Variants in HJURP observed in about 807,000 individuals in gnomAD.
The protein encoded by HJURP is Holliday junction recognition protein, also known as 14-3-3-associated AKT substrate.
Under a neutral mutation model 72.0 loss-of-function variants are expected in HJURP, and 49 were observed. That is an observed-to-expected ratio of 0.68 (90% CI 0.54 to 0.86). The LOEUF (loss-of-function observed/expected upper bound fraction) is 0.86. Among genes scored for constraint, HJURP ranks in the 40% least tolerant of loss-of-function variants. HJURP has a pLI of 0.00. For missense variants in HJURP, 908 were observed against 936.3 expected (o/e 0.97, Z 0.39); for synonymous variants, 357 against 347.1 (o/e 1.03, Z -0.32).
chr2:233,840,768 T>C lies in HJURP; in HGVS notation c.2012A>G (p.Asp671Gly). ...STCVARAITR[D>G]GTRDHQFPAK... ...AGGGAACTGATGGTCCCTCGTGCCA[T>C]CCCTCGTGATGGCACGAGCAACACA... is the stretch of plus-strand genomic sequence containing the variant. The change falls in exon 8 of 9, where the codon GAT (aspartate) becomes GGT (glycine). Residue 671 changes from aspartate to glycine, a missense_variant. Physicochemically the swap from Asp to Gly is moderately conservative, Grantham distance 94. Transcript: ENST00000411486. 6.2e-7 allele frequency: 1 copy of C among 1,613,698 alleles called. No homozygotes were observed. Among genetic ancestry groups the C allele is most frequent in the East Asian group, 2.2e-5 (1 of 44,846 alleles).
chr2:233,850,773 C>G (rs10929310), intron 3 of HJURP, among the ~76,000 whole-genome samples: 28,802 of 151,916 alleles, frequency 0.19, 3,114 homozygotes, highest in East Asian at 0.25. Context: ...TGAGGCAGAA[C>G]CTGGTTTGAG....
intron 8 of HJURP, among the ~76,000 whole-genome samples, chr2:233,839,025 T>TG (rs1188930952): frequency 6.6e-6 from 1 of 152,218 alleles, no homozygotes; most frequent in Non-Finnish European, 1.5e-5. Context: ...GCTGGGGCCC[T>TG]GCAGAGAAAA....
chr2:233,844,966 T>C (rs1179647491), intron 6 of HJURP, among the ~76,000 whole-genome samples: 1 of 141,406 alleles, frequency 7.1e-6, no homozygotes, highest in Non-Finnish European at 1.6e-5. Context: ...TGCCATCACA[T>C]CCCCCCCCTC....
chr2:233,852,470 G>T, intron 3 of HJURP, 95 bp downstream of exon 3: 2 of 869,022 alleles, frequency 2.3e-6, no homozygotes, highest in African/African-American at 1.6e-5. Context: ...GGTGGCCTCT[G>T]CGTAAGCTCA....
chr2:233,841,780 T>C lies in HJURP; in HGVS notation c.1000A>G (p.Thr334Ala). 6.2e-7 allele frequency: 1 copy of C among 1,614,162 alleles called. No homozygotes were observed. The highest frequency in any genetic ancestry group is 8.5e-7 in the Non-Finnish European group (1 of 1,179,998). ...TTCTTGCAATCTCTTAATGCCCCTGTCCCTTTCACAGGCTCAGAGCAGGGT... is the reference window on the plus strand; with the variant it reads ...TTCTTGCAATCTCTTAATGCCCCTGCCCCTTTCACAGGCTCAGAGCAGGGT... Reference protein sequence around the residue: ...FIPCSEPVKGTGALRDCKNVL... With the variant: ...FIPCSEPVKGAGALRDCKNVL... Residue 334 changes from threonine (T) to alanine (A), a missense_variant, in exon 8 of 9, where the codon ACA (threonine) becomes GCA (alanine). Physicochemically the swap from Thr to Ala is moderately conservative, Grantham distance 58 (BLOSUM62 0). Around this residue, in one of 3 missense-constraint regions of HJURP, gnomAD observed 598 missense variants for 619.5 expected, o/e 0.97. Transcript: ENST00000411486.
At chr2:233,848,447 T>C (rs1011303883) in intron 4 of HJURP, among the ~76,000 whole-genome samples, 1 of 152,128 alleles carries the variant, frequency 6.6e-6, no homozygotes, top group Non-Finnish European at 1.5e-5. Context: ...TTGACCACAT[T>C]CACAGGGGCG....
chr2:233,850,256 G>A (rs2124975776), intron 3 of HJURP, among the ~76,000 whole-genome samples: 1 of 152,330 alleles, frequency 6.6e-6, no homozygotes, highest in Non-Finnish European at 1.5e-5. Context: ...AGTGGCCCCT[G>A]GGCAACTTCC....
In HJURP at chr2:233,846,018, G is replaced by GAC. The variant is rs3841510; in HGVS notation, c.403-200_403-199dup. The stretch of plus-strand genomic sequence containing the variant: ...TTAATAATCCAAAAGAATGTAAAAA[G>GAC]ACACACACACACAAAAAAACCATGT... On this transcript the variant is annotated intron_variant, in intron 5 of 8. Transcript: ENST00000411486. This position sits in a 1 kb window ranked among gnomAD's most constrained non-coding sequence, Gnocchi z 4.3. 71,359 of 486,304 alleles carry GAC rather than the reference G, an allele frequency of 0.15. 5,105 individuals are homozygous for GAC. Among genetic ancestry groups the GAC allele is most frequent in the Middle Eastern group, 0.22 (592 of 2,740 alleles). The allele number at this position is 486,304 out of a possible 1,614,324, so 30.1% of individuals were successfully genotyped here.
At chr2:233,853,150 A>G (rs1324434860) in intron 2 of HJURP, among the ~76,000 whole-genome samples, 1 of 152,196 alleles carries the variant, frequency 6.6e-6, no homozygotes, top group Non-Finnish European at 1.5e-5. Context: ...TAACTCAAGG[A>G]GCAGATCTTG....
chr2:233,853,141 A>G (rs1705535949), intron 2 of HJURP, among the ~76,000 whole-genome samples: 1 of 152,228 alleles, frequency 6.6e-6, no homozygotes, highest in South Asian at 2.1e-4. Context: ...GATTTCTTTT[A>G]ACTCAAGGAG....
Position 233,845,766 on chromosome 2 carries a change from G to A in HJURP, c.457C>T (p.Gln153Ter), listed in dbSNP as rs2124969425. Reference protein sequence around the residue: ...KNELRRKYLTQVDILLQGAEY... With the variant: ...KNELRRKYLT ...GCACCTTGTAGCAGTATATCCACTT[G>A]GGTCAAGTATTTCCTTCTTAATTCA... is the stretch of plus-strand genomic sequence containing the variant. The change falls in exon 6 of 9, where the codon CAA becomes TAA. Residue 153 changes from glutamine (Q) to a stop codon, truncating the protein, a stop_gained. Coordinates refer to ENST00000411486, the MANE Select transcript of HJURP (RefSeq NM_018410.5). LOFTEE classifies it high-confidence loss of function. 1 of 1,613,042 alleles carries A rather than the reference G, an allele frequency of 6.2e-7. No individual in the cohort carries two copies. Among genetic ancestry groups the A allele is most frequent in the Non-Finnish European group, 8.5e-7 (1 of 1,179,070 alleles).
rs188825958 is a variant in HJURP, at chr2:233,840,157, G to C, written c.2171+452C>G. Among the ~76,000 whole-genome samples the C allele has an allele frequency of 3.6e-4, 55 of 151,972 alleles. 1 individual carries two copies. In the East Asian group the frequency reaches 0.011, roughly 29 times the overall value. On this transcript the variant is annotated intron_variant, in intron 8 of 8. Coordinates refer to ENST00000411486, the MANE Select transcript of HJURP (RefSeq NM_018410.5). ...TCGCACCTGTGAGAATACTGTGCTC[G>C]TGGCTCTCCCAGGCCACTCTTGCTC...
chr2:233,851,045 C>T (rs1248110276), intron 3 of HJURP, among the ~76,000 whole-genome samples: 5 of 152,246 alleles, frequency 3.3e-5, no homozygotes, highest in African/African-American at 1.2e-4. Context: ...AGGCTACGCC[C>T]AGTTTCCTAA....
chr2:233,841,253 C>T lies in HJURP; in HGVS notation c.1527G>A (p.Leu509=), dbSNP rs1559495935. Residue 509 remains leucine, a synonymous_variant, in exon 8 of 9, where the codon CTG becomes CTA. Coordinates refer to ENST00000411486, the MANE Select transcript of HJURP (RefSeq NM_018410.5). The part of the protein sequence containing the change: ...EAFENLGKRS[L]EAGRCLPKSD... ...TCTTGGGCAGGCACCTACCTGCTTCCAGAGATCTTTTGCCTAGGTTTTCAA... is the reference window on the plus strand; with the variant it reads ...TCTTGGGCAGGCACCTACCTGCTTCTAGAGATCTTTTGCCTAGGTTTTCAA... The T allele has an allele frequency of 2.8e-5, 46 of 1,614,076 alleles. No individual in the cohort carries two copies. Among genetic ancestry groups the T allele is most frequent in the Non-Finnish European group, 3.7e-5 (44 of 1,179,954 alleles).
intron 4 of HJURP, among the ~76,000 whole-genome samples, chr2:233,849,193 C>T (rs558591493): frequency 1.3e-5 from 2 of 152,160 alleles, no homozygotes; most frequent in East Asian, 3.9e-4. Context: ...GGGAACTGGG[C>T]AAAGGGATGT....
rs1705224810 is a variant in HJURP at position 233,841,414 on chromosome 2, T to G, written c.1366A>C (p.Met456Leu). Residue 456 changes from methionine to leucine, a missense_variant, in exon 8 of 9, where the codon ATG becomes CTG. Physicochemically the swap from Met to Leu is conservative, Grantham distance 15 (BLOSUM62 2). Coordinates refer to ENST00000411486, the MANE Select transcript of HJURP (RefSeq NM_018410.5). ...ATGGCCCAGGAGTCCGGGAGGCACA[T>G]CCGGCGAGGCTGGTTCCTGGGACTC... Reference protein sequence around the residue: ...CLSPRNQPRRMCLPDSWAMNM... With the variant: ...CLSPRNQPRRLCLPDSWAMNM... 1.2e-6 allele frequency: 2 copies of G among 1,614,182 alleles called. No individual in the cohort carries two copies. The highest frequency in any genetic ancestry group is 1.3e-5 in the African/African-American group (1 of 75,048).
chr2:233,851,275 T>G (rs973801168), intron 3 of HJURP, among the ~76,000 whole-genome samples: 2 of 152,202 alleles, frequency 1.3e-5, no homozygotes, highest in Non-Finnish European at 2.9e-5. Flanking sequence ...AGGGGGACTA[T>G]CAGTATTGGG....
intron 4 of HJURP, 133 bp from the exon 5 acceptor site, chr2:233,847,594 G>T (rs2286431): frequency 1.3e-6 from 1 of 743,014 alleles, no homozygotes; most frequent in Non-Finnish European, 2.4e-6. Context: ...TGCACCCACT[G>T]GAGCCATCTA....
At chr2:233,843,904 GACA>G (rs968852063) in intron 7 of HJURP, among the ~76,000 whole-genome samples, 1 of 152,228 alleles carries the variant, frequency 6.6e-6, no homozygotes, top group Non-Finnish European at 1.5e-5. Context: ...ACGCAGATAT[GACA>G]ACATGTTAAT....
Sources: gnomAD v4.1 joint callset for allele counts (sites outside exome capture counted in the v4.1 genomes callset) on GRCh38, gnomAD v4.1.1 for gene constraint, gnomAD v4.1.1 regional missense constraint, Gnocchi (gnomAD v3.1) non-coding constraint, MANE v1.5 for transcripts, NCBI Gene and HGNC (gene_info 2026-07-23, HGNC 2026-07-21) for gene names.